PPARGC1A: variants seen among roughly 807,000 people sequenced by gnomAD.
PPARGC1A encodes PPARG coactivator 1 alpha, also known as peroxisome proliferator-activated receptor gamma coactivator 1-alpha.
Under a neutral mutation model 88.7 loss-of-function variants are expected in PPARGC1A, and 25 were observed. The ratio of observed to expected loss-of-function variants is 0.28; its 90% confidence interval spans 0.21 to 0.39. PPARGC1A has a LOEUF of 0.39. PPARGC1A is among the 10% of genes least tolerant of loss of function. PPARGC1A has a pLI of 1.00. For synonymous variants in PPARGC1A, 363 were observed against 355.6 expected (o/e 1.02, Z -0.24); for missense variants, 880 against 968.7 (o/e 0.91, Z 1.22).
chr4:23,796,427 G>A (rs78748267), intron 12 of PPARGC1A, among the ~76,000 whole-genome samples: 91 of 152,244 alleles, frequency 6.0e-4, no homozygotes, highest in African/African-American at 2.0e-3. Flanking sequence ...CTCTACTTCC[G>A]TACCTCTTGG....
chr4:24,024,580 G>A, the PPARGC1A span, among the ~76,000 whole-genome samples: 1 of 152,096 alleles, frequency 6.6e-6, no homozygotes, highest in Admixed American at 6.6e-5. Context: ...AAATTCTGAT[G>A]GGCAGCAATT....
chr4:23,869,602 TA>T (rs1712832150), intron 2 of PPARGC1A, among the ~76,000 whole-genome samples: 1 of 146,356 alleles, frequency 6.8e-6, no homozygotes, highest in Non-Finnish European at 1.5e-5. Context: ...TAGCAGATCT[TA>T]ATGACTGTTT....
the PPARGC1A span, among the ~76,000 whole-genome samples, chr4:24,050,141 T>C: frequency 2.6e-5 from 4 of 151,996 alleles, no homozygotes; most frequent in African/African-American, 9.6e-5. Context: ...TGCTGACTTA[T>C]ACGGCTAGAG....
intron 2 of PPARGC1A, among the ~76,000 whole-genome samples, chr4:23,840,706 G>A (rs1259649665): frequency 6.6e-6 from 1 of 152,104 alleles, no homozygotes; most frequent in African/African-American, 2.4e-5. Flanking sequence ...ATATAGGAGA[G>A]GCTTAACTAA....
At chr4:23,994,227 T>C in the PPARGC1A span, among the ~76,000 whole-genome samples, 1 of 152,128 alleles carries the variant, frequency 6.6e-6, no homozygotes, top group Non-Finnish European at 1.5e-5. Flanking sequence ...TCCTGTGTTG[T>C]AGGAAGTAAC....
At chr4:23,965,339 T>C in the PPARGC1A span, among the ~76,000 whole-genome samples, 1 of 152,194 alleles carries the variant, frequency 6.6e-6, no homozygotes, top group Non-Finnish European at 1.5e-5. Context: ...CCTCTTATCA[T>C]TTCTATACCA....
intron 12 of PPARGC1A, among the ~76,000 whole-genome samples, chr4:23,798,746 G>C (rs1366670168): frequency 2.6e-5 from 4 of 151,952 alleles, no homozygotes; most frequent in Non-Finnish European, 5.9e-5. Flanking sequence ...TCTTTAGAAA[G>C]ATCCATTTGC....
At chr4:24,096,298 T>A in the PPARGC1A span, among the ~76,000 whole-genome samples, 1 of 152,184 alleles carries the variant, frequency 6.6e-6, no homozygotes, top group Non-Finnish European at 1.5e-5. Flanking sequence ...TTAAACCTCT[T>A]TTCTTCATAA....
intron 1 of PPARGC1A, among the ~76,000 whole-genome samples, chr4:23,899,083 ACCC>A (rs35314800): frequency 0.77 from 116,197 of 151,206 alleles, 45,349 homozygotes; most frequent in African/African-American, 0.88. Flanking sequence ...CTGATGATCC[ACCC>A]CCCCCCGGCC....
At chr4:24,116,330 A>T in the PPARGC1A span, among the ~76,000 whole-genome samples, 1 of 152,172 alleles carries the variant, frequency 6.6e-6, no homozygotes, top group Non-Finnish European at 1.5e-5. Flanking sequence ...GGCTGATAAA[A>T]CTATACTCAA....
At chr4:24,008,076 G>A in the PPARGC1A span, among the ~76,000 whole-genome samples, 3 of 152,148 alleles carry the variant, frequency 2.0e-5, no homozygotes, top group Non-Finnish European at 2.9e-5. Context: ...AACAAAGCAC[G>A]ACAGAGAAGG....
chr4:24,355,114 A>G, the PPARGC1A span, among the ~76,000 whole-genome samples: 1 of 152,284 alleles, frequency 6.6e-6, no homozygotes, highest in South Asian at 2.1e-4. Context: ...TTGTCACGAC[A>G]TTATCTCTCT....
At chr4:23,867,911 G>T (rs1396006701) in intron 2 of PPARGC1A, among the ~76,000 whole-genome samples, 1 of 152,206 alleles carries the variant, frequency 6.6e-6, no homozygotes, top group Non-Finnish European at 1.5e-5. Flanking sequence ...AAAAACAGTT[G>T]CAAAAATTTT....
rs1438248533 is a variant in PPARGC1A at position 23,813,732 on chromosome 4, G to A, written c.1751C>T (p.Ser584Phe). ...RHRSCSRSPY[S>F]RSRSRSPGSR... ...GCCTGGAGACCTTGATCTTGACCTGGAATATGGTGATCGGGAACACGACCT... is the reference window on the plus strand; with the variant it reads ...GCCTGGAGACCTTGATCTTGACCTGAAATATGGTGATCGGGAACACGACCT... Residue 584 changes from serine to phenylalanine, a missense_variant, in exon 8 of 13, where the codon TCC (serine) becomes TTC (phenylalanine). By Grantham distance (155) the Ser-to-Phe change is radical (BLOSUM62 -2). Transcript: ENST00000264867. 6.2e-7 allele frequency: 1 copy of A among 1,612,350 alleles called. No homozygotes were observed. Among genetic ancestry groups the A allele is most frequent in the Non-Finnish European group, 8.5e-7 (1 of 1,178,782 alleles).
chr4:24,192,608 CATGAT>C, the PPARGC1A span, among the ~76,000 whole-genome samples: 2 of 152,162 alleles, frequency 1.3e-5, no homozygotes, highest in African/African-American at 4.8e-5. Flanking sequence ...TTATATTCAG[CATGAT>C]ATAAGTAATG....
the PPARGC1A span, among the ~76,000 whole-genome samples, chr4:24,272,904 C>A: frequency 6.6e-6 from 1 of 152,170 alleles, no homozygotes; most frequent in Non-Finnish European, 1.5e-5. Flanking sequence ...CATGCAGACC[C>A]AGGTACAGTA....
chr4:23,880,569 A>ATT (rs1715723332), intron 2 of PPARGC1A, among the ~76,000 whole-genome samples: 1 of 152,224 alleles, frequency 6.6e-6, no homozygotes, highest in Non-Finnish European at 1.5e-5. Context: ...ATATATGTCC[A>ATT]TTTTTGCAAA....
At position 23,814,258 on chromosome 4, in the gene PPARGC1A, G is replaced by T; in HGVS notation, c.1225C>A (p.Gln409Lys). 6.2e-7 allele frequency: 1 copy of T among 1,613,998 alleles called. No homozygotes were observed. The highest frequency in any genetic ancestry group is 1.3e-5 in the African/African-American group (1 of 75,008). ...GAGGAGACATCTTTATTTTCTAGTTGTCTAGAGTCTTGGAGCTCCTGTGAT... is the reference window on the plus strand; with the variant it reads ...GAGGAGACATCTTTATTTTCTAGTTTTCTAGAGTCTTGGAGCTCCTGTGAT... ...NISQELQDSR[Q>K]LENKDVSSDW... Residue 409 changes from glutamine (Q) to lysine (K), a missense_variant, in exon 8 of 13, where the codon CAA becomes AAA. Transcript: ENST00000264867.
chr4:24,392,155 T>A, the PPARGC1A span, among the ~76,000 whole-genome samples: 1 of 152,178 alleles, frequency 6.6e-6, no homozygotes, highest in Non-Finnish European at 1.5e-5. Flanking sequence ...AAAAAAATTA[T>A]CATGGGAAGG....
Sources: allele counts gnomAD v4.1 joint callset (sites outside exome capture counted in the v4.1 genomes callset), GRCh38; gene constraint gnomAD v4.1.1; transcripts MANE v1.5; gene names NCBI Gene and HGNC (gene_info 2026-07-23, HGNC 2026-07-21).